KCNK10: variants seen among roughly 807,000 people sequenced by gnomAD.
KCNK10 encodes the protein potassium two pore domain channel subfamily K member 10.
A neutral mutation model predicts 47.7 loss-of-function variants in KCNK10; 25 were observed. The observed-to-expected ratio is 0.52, with a 90% CI of 0.38 to 0.73. KCNK10 has a LOEUF of 0.73. Among genes scored for constraint, KCNK10 ranks in the 30% least tolerant of loss-of-function variants. KCNK10 has a pLI of 0.00. For synonymous variants in KCNK10, 303 were observed against 285.6 expected (o/e 1.06, Z -0.61); for missense variants, 563 against 714.5 (o/e 0.79, Z 2.42).
At chr14:88,243,419 C>T (rs1566699577) in intron 2 of KCNK10, among the ~76,000 whole-genome samples, 1 of 152,178 alleles carries the variant, frequency 6.6e-6, no homozygotes, top group Non-Finnish European at 1.5e-5. Context: ...CCCTGTCTGG[C>T]CCAAAGCGGA....
At chr14:88,198,659 T>C (rs1884998817) in intron 4 of KCNK10, among the ~76,000 whole-genome samples, 1 of 152,114 alleles carries the variant, frequency 6.6e-6, no homozygotes, top group Non-Finnish European at 1.5e-5. Flanking sequence ...GTGCTTTCCT[T>C]GTATAGGGAG....
intron 4 of KCNK10, among the ~76,000 whole-genome samples, chr14:88,220,936 GA>G (rs1422614697): frequency 6.6e-6 from 1 of 151,736 alleles, no homozygotes; most frequent in Non-Finnish European, 1.5e-5. Context: ...CAGATTGGGA[GA>G]AAATATTTGC....
intron 1 of KCNK10, among the ~76,000 whole-genome samples, chr14:88,286,790 G>A (rs900871880): frequency 5.3e-5 from 8 of 152,156 alleles, no homozygotes; most frequent in South Asian, 4.1e-4. Context: ...CAGTATGGGG[G>A]AACCGCCCCC....
intron 5 of KCNK10, among the ~76,000 whole-genome samples, chr14:88,190,137 AG>A (rs1435818933): frequency 6.6e-6 from 1 of 152,190 alleles, no homozygotes; most frequent in Non-Finnish European, 1.5e-5. Context: ...AAATAATAAA[AG>A]CATCACTTAA....
chr14:88,216,847 G>T (rs905687954), intron 4 of KCNK10, among the ~76,000 whole-genome samples: 1 of 152,092 alleles, frequency 6.6e-6, no homozygotes, highest in South Asian at 2.1e-4. Context: ...TAAAACCAGG[G>T]CCTTCTCTCT....
At chr14:88,192,586 T>G (rs1884785225) in intron 4 of KCNK10, among the ~76,000 whole-genome samples, 176 bp from the exon 5 acceptor site, 1 of 152,166 alleles carries the variant, frequency 6.6e-6, no homozygotes, top group South Asian at 2.1e-4. Context: ...GCATTCAGAA[T>G]TTTTCAAGTG....
At chr14:88,262,708 C>T (rs1887145068) in intron 2 of KCNK10, among the ~76,000 whole-genome samples, 1 of 152,172 alleles carries the variant, frequency 6.6e-6, no homozygotes, top group African/African-American at 2.4e-5. Context: ...TTATTTCATC[C>T]CCATAAATCC....
chr14:88,253,901 G>A (rs1370643178), intron 2 of KCNK10, among the ~76,000 whole-genome samples: 1 of 152,148 alleles, frequency 6.6e-6, no homozygotes, highest in Non-Finnish European at 1.5e-5. Context: ...CCATCTTGGG[G>A]GCAGAGAGGG....
chr14:88,225,944 G>A (rs1177687799), intron 4 of KCNK10, among the ~76,000 whole-genome samples: 2 of 152,168 alleles, frequency 1.3e-5, no homozygotes, highest in African/African-American at 4.8e-5. Context: ...GTCTAATGAG[G>A]CCACCGGCCA....
intron 2 of KCNK10, among the ~76,000 whole-genome samples, chr14:88,242,956 G>A (rs143942873): frequency 6.6e-6 from 1 of 152,246 alleles, no homozygotes; most frequent in Non-Finnish European, 1.5e-5. Flanking sequence ...GAGAGGTTAG[G>A]CTCACTCAAG....
intron 4 of KCNK10, 103 bp from the exon 5 acceptor site, chr14:88,192,513 T>C (rs905261760): frequency 2.1e-6 from 2 of 957,006 alleles, no homozygotes; most frequent in African/African-American, 1.6e-5. Context: ...TTTTAACCTT[T>C]CTCTGGTCAT....
chr14:88,252,809 A>G (rs1160913771), intron 2 of KCNK10, among the ~76,000 whole-genome samples: 1 of 152,226 alleles, frequency 6.6e-6, no homozygotes, highest in Admixed American at 6.5e-5. Context: ...TGTATGTCAG[A>G]AAGGTTACAA....
chr14:88,273,618 A>C (rs1887459855), intron 1 of KCNK10, among the ~76,000 whole-genome samples: 3 of 152,084 alleles, frequency 2.0e-5, no homozygotes, highest in African/African-American at 7.2e-5. Context: ...ATCCGACTGG[A>C]CCACCATCTT....
At chr14:88,265,695 T>C (rs1200174994) in intron 1 of KCNK10, among the ~76,000 whole-genome samples, 2 of 152,200 alleles carry the variant, frequency 1.3e-5, no homozygotes, top group Non-Finnish European at 2.9e-5. Context: ...CCCATAATCC[T>C]TACATCTTGG....
At chr14:88,222,242 C>T (rs1444578677) in intron 4 of KCNK10, among the ~76,000 whole-genome samples, 1 of 152,158 alleles carries the variant, frequency 6.6e-6, no homozygotes, top group Non-Finnish European at 1.5e-5. Flanking sequence ...CCCCATGATT[C>T]AACTACCTCC....
intron 4 of KCNK10, among the ~76,000 whole-genome samples, chr14:88,197,129 T>C (rs1033391218): frequency 6.6e-6 from 1 of 152,210 alleles, no homozygotes; most frequent in African/African-American, 2.4e-5. Flanking sequence ...CTTCTGACTC[T>C]GAGTCATGTT....
At chr14:88,251,149 CTTGAACCCA>C (rs150070643) in intron 2 of KCNK10, among the ~76,000 whole-genome samples, 4,384 of 143,486 alleles carry the variant, frequency 0.031, 95 homozygotes, top group Middle Eastern at 0.044. Flanking sequence ...AGAAGAATCG[CTTGAACCCA>C]GGAGGTGGAG....
intron 1 of KCNK10, among the ~76,000 whole-genome samples, chr14:88,290,871 A>G (rs1887860709): frequency 6.6e-6 from 1 of 152,208 alleles, no homozygotes; most frequent in Non-Finnish European, 1.5e-5. Context: ...CACAAAAAAA[A>G]GGCACCCACC....
chr14:88,213,052 C>T (rs1057028560), intron 4 of KCNK10, among the ~76,000 whole-genome samples: 5 of 152,122 alleles, frequency 3.3e-5, no homozygotes, highest in Non-Finnish European at 7.3e-5. Context: ...TTTTCCCTTC[C>T]CTAAGGCAAA....
Sources: allele counts gnomAD v4.1 joint callset (sites outside exome capture counted in the v4.1 genomes callset), GRCh38; gene constraint gnomAD v4.1.1; transcripts MANE v1.5; gene names NCBI Gene and HGNC (gene_info 2026-07-23, HGNC 2026-07-21).